The following FEZ1 variants were observed in gnomAD, a reference collection of about 807,000 sequenced individuals.
The protein encoded by FEZ1 is fasciculation and elongation protein zeta 1, also known as fasciculation and elongation protein zeta-1.
A neutral mutation model predicts 49.3 loss-of-function variants in FEZ1; 20 were observed. That is an observed-to-expected ratio of 0.41 (90% CI 0.29 to 0.59). The LOEUF (loss-of-function observed/expected upper bound fraction) is 0.59, where lower values mean the gene tolerates loss of function less well. Ranked by LOEUF, FEZ1 falls within the 20% of genes least tolerant of loss-of-function variation. The pLI is 0.36. For missense variants in FEZ1, 413 were observed against 476.0 expected (o/e 0.87, Z 1.23); for synonymous variants, 170 against 180.9 (o/e 0.94, Z 0.48).
chr11:125,493,403 A>G (rs1957408783), intron 1 of FEZ1, among the ~76,000 whole-genome samples: 1 of 71,956 alleles, frequency 1.4e-5, no homozygotes, highest in Non-Finnish European at 2.6e-5. Flanking sequence ...AGAAAGAAAG[A>G]AAGAAAGAAA....
chr11:125,459,367 G>A (rs573874474), intron 5 of FEZ1, among the ~76,000 whole-genome samples: 4 of 151,908 alleles, frequency 2.6e-5, no homozygotes, highest in East Asian at 2.0e-4. Context: ...CGAGGCAGGC[G>A]GATAACCTGA....
chr11:125,491,262 C>T (rs1957379170), intron 1 of FEZ1, among the ~76,000 whole-genome samples: 1 of 152,188 alleles, frequency 6.6e-6, no homozygotes, highest in Admixed American at 6.5e-5. Context: ...ACCTCTACCC[C>T]TCATCGGGCC....
chr11:125,486,810 C>T (rs1175884243), intron 2 of FEZ1, among the ~76,000 whole-genome samples: 4 of 152,202 alleles, frequency 2.6e-5, no homozygotes, highest in African/African-American at 7.2e-5. Flanking sequence ...TATTAAGTCA[C>T]CCTTTTCCTT....
At chr11:125,454,804 A>G (rs1420385331) in intron 6 of FEZ1, among the ~76,000 whole-genome samples, 2 of 151,806 alleles carry the variant, frequency 1.3e-5, no homozygotes, top group Non-Finnish European at 2.9e-5. Flanking sequence ...TCACGAGGTG[A>G]GGAGTTTGAG....
At chr11:125,490,365 T>G (rs1957369635) in intron 1 of FEZ1, among the ~76,000 whole-genome samples, 1 of 152,186 alleles carries the variant, frequency 6.6e-6, no homozygotes, top group Admixed American at 6.5e-5. Flanking sequence ...CCATTTTGTG[T>G]GTTTTGCTGC....
Position 125,466,999 on chromosome 11 carries a change from T to TA in FEZ1, c.412-3430dup, listed in dbSNP as rs1199293943. ...TACATTTTTACCTTCAGACAAAAAG[T>TA]AAAAAAAAAAAAAGAAATTCACAAC... On this transcript the variant is annotated intron_variant, in intron 3 of 9. Coordinates refer to ENST00000278919, the MANE Select transcript of FEZ1 (RefSeq NM_005103.5). Among the ~76,000 whole-genome samples, 465 of 136,676 alleles carry TA rather than the reference T, an allele frequency of 3.4e-3. 2 individuals carry two copies. The highest frequency in any genetic ancestry group is 0.016 in the South Asian group (69 of 4,288). 89.7% of individuals were successfully genotyped at this position (136,676 alleles called of 152,430 possible).
At chr11:125,451,140 T>C (rs1441429668) in intron 8 of FEZ1, among the ~76,000 whole-genome samples, 2 of 152,222 alleles carry the variant, frequency 1.3e-5, no homozygotes, top group Non-Finnish European at 2.9e-5. Context: ...CAAATTACTT[T>C]CCAAATGTAA....
chr11:125,467,357 C>T (rs1226773974), intron 3 of FEZ1, among the ~76,000 whole-genome samples: 1 of 152,166 alleles, frequency 6.6e-6, no homozygotes, highest in African/African-American at 2.4e-5. Flanking sequence ...CCCTTTTATG[C>T]TTATGAACAA....
rs1193799855 is a variant in FEZ1 at position 125,445,843 on chromosome 11, G to A, written c.*252C>T. Reference sequence around the variant, plus strand: ...CCAGACTACATAATGAGCGGTGAAAGCGGCTGCCTTCCCCTCTCCTGACAC... The same window carrying A: ...CCAGACTACATAATGAGCGGTGAAAACGGCTGCCTTCCCCTCTCCTGACAC... On this transcript the variant is annotated 3_prime_UTR_variant, in exon 10 of 10. Transcript: ENST00000278919. The surrounding 1 kb of genome is among the most constrained non-coding windows in gnomAD (Gnocchi z 4.4). The A allele has an allele frequency of 7.4e-6, 4 of 538,248 alleles. No homozygotes were observed. The East Asian group carries it at 1.0e-4, about 14-fold the overall frequency. 33.3% of individuals were successfully genotyped at this position (538,248 alleles called of 1,614,324 possible).
chr11:125,479,298 T>C (rs1372731431), intron 3 of FEZ1, among the ~76,000 whole-genome samples: 1 of 152,222 alleles, frequency 6.6e-6, no homozygotes, highest in Non-Finnish European at 1.5e-5. Flanking sequence ...TCTACAAATA[T>C]ATTGCCGAGT....
intron 3 of FEZ1, among the ~76,000 whole-genome samples, chr11:125,471,431 TACACACACAC>T (rs34965918): frequency 3.4e-5 from 5 of 147,988 alleles, no homozygotes; most frequent in African/African-American, 1.2e-4. Context: ...TTGAGATAGA[TACACACACAC>T]ACACACACAC....
In FEZ1 at chr11:125,489,052, G is replaced by T; in HGVS notation, c.311+415C>A. 2.0e-6 allele frequency: 2 copies of T among 986,838 alleles called. No individual in the cohort carries two copies. The highest frequency in any genetic ancestry group is 2.4e-6 in the Non-Finnish European group (2 of 831,048). The allele number at this position is 986,838 out of a possible 1,614,324, so 61.1% of individuals were successfully genotyped here. A position where few individuals can be genotyped will look rare whatever the true frequency, so the allele number is the denominator to read the frequency against. On this transcript the variant is annotated intron_variant, in intron 2 of 9. Transcript: ENST00000278919. This position sits in a 1 kb window ranked among gnomAD's most constrained non-coding sequence, Gnocchi z 4.2. ...GCCTGAGGGGCTGTCAAAAATTCGG[G>T]ATTTTCAAAATTCTGGTGTTTCTTG...
At position 125,479,398 on chromosome 11, in the gene FEZ1, C is replaced by T. The variant is rs192609954; in HGVS notation, c.411+2136G>A. On this transcript the variant is annotated intron_variant, in intron 3 of 9. Coordinates refer to ENST00000278919, the MANE Select transcript of FEZ1 (RefSeq NM_005103.5). ...CCATCCAACTCTATCACTTGCTGAG[C>T]CTGCAGGGCTGTGACAGCCCTTCCT... 2.6e-5 allele frequency among the ~76,000 whole-genome samples: 4 copies of T among 152,326 alleles called. No individual in the cohort carries two copies. In the East Asian group the frequency reaches 7.7e-4, roughly 29 times the overall value.
chr11:125,480,553 C>A (rs982843777), intron 3 of FEZ1, among the ~76,000 whole-genome samples: 1 of 152,162 alleles, frequency 6.6e-6, no homozygotes, highest in Non-Finnish European at 1.5e-5. Context: ...TTTAAACCAT[C>A]ATTATTTGAA....
chr11:125,473,929 T>C (rs565302203), intron 3 of FEZ1, among the ~76,000 whole-genome samples: 1 of 151,952 alleles, frequency 6.6e-6, no homozygotes, highest in South Asian at 2.1e-4. Flanking sequence ...AAAATCTTAG[T>C]GACCTTGGGT....
Position 125,495,764 on chromosome 11 carries a change from TCACACGCGCGCA to T in FEZ1, c.-46+345_-46+356del. ...GCCCCCATACCTCGCCGCCCTGCCT[TCACACGCGCGCA>T]CACACGCGGGCACACACACGCGGAC... On this transcript the variant is annotated intron_variant, in intron 1 of 9. Coordinates refer to ENST00000278919, the MANE Select transcript of FEZ1 (RefSeq NM_005103.5). The surrounding 1 kb of genome is among the most constrained non-coding windows in gnomAD (Gnocchi z 4.2). The T allele has an allele frequency of 2.8e-6, 1 of 355,572 alleles. No individual in the cohort carries two copies. Among genetic ancestry groups the T allele is most frequent in the Non-Finnish European group, 5.5e-6 (1 of 180,484 alleles). The allele number at this position is 355,572 out of a possible 1,614,324, so 22.0% of individuals were successfully genotyped here. A position where few individuals can be genotyped will look rare whatever the true frequency, so the allele number is the denominator to read the frequency against.
At chr11:125,492,403 A>G (rs1404971011) in intron 1 of FEZ1, among the ~76,000 whole-genome samples, 1 of 152,272 alleles carries the variant, frequency 6.6e-6, no homozygotes, top group Non-Finnish European at 1.5e-5. Context: ...ATTTAAAAAC[A>G]TTATTTGGAG....
At chr11:125,490,944 G>A (rs997627626) in intron 1 of FEZ1, among the ~76,000 whole-genome samples, 7 of 151,994 alleles carry the variant, frequency 4.6e-5, no homozygotes, top group African/African-American at 1.7e-4. Flanking sequence ...AGTAGAGATG[G>A]GGTTTCACCA....
intron 3 of FEZ1, 52 bp from the exon 4 acceptor site, chr11:125,463,622 G>T: frequency 1.8e-6 from 2 of 1,103,866 alleles, no homozygotes; most frequent in Non-Finnish European, 1.4e-6. Context: ...GCAGAAGTGG[G>T]ATTGCCTCTA....
Sources: gnomAD v4.1 joint callset for allele counts (sites outside exome capture counted in the v4.1 genomes callset) on GRCh38, gnomAD v4.1.1 for gene constraint, Gnocchi (gnomAD v3.1) non-coding constraint, MANE v1.5 for transcripts, NCBI Gene and HGNC (gene_info 2026-07-23, HGNC 2026-07-21) for gene names.